The following EMID1 variants were observed in gnomAD, a reference collection of about 807,000 sequenced individuals.
The protein encoded by EMID1 is EMI domain containing 1.
In EMID1, 40 loss-of-function variants were observed where a neutral mutation model predicts 60.6. That is an observed-to-expected ratio of 0.66 (90% CI 0.51 to 0.86). The LOEUF is 0.86. Among genes scored for constraint, EMID1 ranks in the 40% least tolerant of loss-of-function variants. EMID1 has a pLI of 0.00. For synonymous variants in EMID1, 242 were observed against 231.0 expected (o/e 1.05, Z -0.43); for missense variants, 585 against 597.1 (o/e 0.98, Z 0.21).
Position 29,247,490 on chromosome 22 carries a change from G to A in EMID1, c.1119+4001G>A, listed in dbSNP as rs368867568. ...CAACACACCTCAGCTGTATGGTGTA[G>A]CCAATTGCTCCCAGGCTACAAACCT... On this transcript the variant is annotated intron_variant, in intron 13 of 14. Transcript: ENST00000334018. Among the ~76,000 whole-genome samples the A allele has an allele frequency of 7.9e-5, 12 of 152,362 alleles. No individual in the cohort carries two copies. The East Asian group carries it at 1.2e-3, about 15-fold the overall frequency.
chr22:29,250,095 A>T (rs1039212713), intron 13 of EMID1, among the ~76,000 whole-genome samples: 6 of 152,126 alleles, frequency 3.9e-5, no homozygotes, highest in Non-Finnish European at 7.4e-5. Context: ...AAATAAAAAA[A>T]TTTGTTTTCA....
At chr22:29,227,011 C>A (rs2146256652) in intron 5 of EMID1, among the ~76,000 whole-genome samples, 1 of 152,098 alleles carries the variant, frequency 6.6e-6, no homozygotes, top group South Asian at 2.1e-4. Flanking sequence ...AACCCCCATC[C>A]ATAATACTAT....
At chr22:29,223,572 TCTGGCCCTGGAATCAGGCAGAC>T (rs1355944655) in intron 3 of EMID1, among the ~76,000 whole-genome samples, 7 of 152,168 alleles carry the variant, frequency 4.6e-5, no homozygotes, top group Non-Finnish European at 7.3e-5. Context: ...AAAAAAGAAA[TCTGGCCCTGGAATCAGGCAGAC>T]CTGTGTTCAA....
chr22:29,231,323 C>A, intron 6 of EMID1, 183 bp downstream of exon 6: 2 of 984,336 alleles, frequency 2.0e-6, no homozygotes, highest in Non-Finnish European at 3.0e-6. Flanking sequence ...CTGAATGCTG[C>A]AGTCCCTGGA....
intron 13 of EMID1, among the ~76,000 whole-genome samples, chr22:29,246,695 G>A (rs1234640323): frequency 6.6e-6 from 1 of 152,334 alleles, no homozygotes; most frequent in East Asian, 1.9e-4. Context: ...GATCCGGAGT[G>A]CAGAGGGCAG....
chr22:29,258,905 C>T lies in EMID1; in HGVS notation c.1293C>T (p.Tyr431=), dbSNP rs747597901. Residue 431 remains tyrosine, a synonymous_variant, in exon 15 of 15, where the codon TAC becomes TAT. Coordinates refer to ENST00000334018, the MANE Select transcript of EMID1 (RefSeq NM_133455.4). The part of the protein sequence containing the change: ...RGKRGGHATN[Y]RIVAPRSRDE... ...AGAGGGGCGGACATGCAACCAACTA[C>T]CGGATCGTGGCCCCCAGGAGCCGGG... The T allele has an allele frequency of 8.7e-6, 14 of 1,613,402 alleles. No homozygotes were observed. The South Asian group carries it at 1.5e-4, about 18-fold the overall frequency.
At position 29,257,879 on chromosome 22, in the gene EMID1, C is replaced by T. The variant is rs140192539; in HGVS notation, c.1205-938C>T. Among the ~76,000 whole-genome samples, 158 of 152,332 alleles carry T rather than the reference C, an allele frequency of 1.0e-3. 1 individual carries two copies. The highest frequency in any genetic ancestry group is 1.9e-3 in the Non-Finnish European group (126 of 68,032). Reference sequence around the variant, plus strand: ...GGGGCCAGTGCTCTGTGCCACTCCCCTCCCACGCTCCCTAAGGCATGGAAT... The same window carrying T: ...GGGGCCAGTGCTCTGTGCCACTCCCTTCCCACGCTCCCTAAGGCATGGAAT... On this transcript the variant is annotated intron_variant, in intron 14 of 14. Transcript: ENST00000334018.
chr22:29,224,546 C>T (rs1287230197), intron 3 of EMID1, among the ~76,000 whole-genome samples: 1 of 152,208 alleles, frequency 6.6e-6, no homozygotes. Flanking sequence ...AGCCAGCCTC[C>T]CTCTGGTTTT....
intron 5 of EMID1, 82 bp downstream of exon 5, chr22:29,226,633 C>T (rs191329645): frequency 5.7e-6 from 8 of 1,412,750 alleles, no homozygotes; most frequent in Non-Finnish European, 7.6e-6. Flanking sequence ...TCCCCACCTC[C>T]TTCCCCGCAC....
chr22:29,228,734 A>G (rs1016389935), intron 5 of EMID1, among the ~76,000 whole-genome samples: 1 of 152,124 alleles, frequency 6.6e-6, no homozygotes, highest in African/African-American at 2.4e-5. Context: ...AGCTGGCATT[A>G]CGGACATGTG....
rs1244879918 is a variant in EMID1 at position 29,258,895 on chromosome 22, C to A, written c.1283C>A (p.Ala428Glu). ...SLLRGKRGGHATNYRIVAPRS... is the reference protein window; with the variant it reads ...SLLRGKRGGHETNYRIVAPRS... The stretch of plus-strand genomic sequence containing the variant: ...CTTCGGGGCAAGAGGGGCGGACATG[C>A]AACCAACTACCGGATCGTGGCCCCC... Residue 428 changes from alanine (A) to glutamate (E), a missense_variant, in exon 15 of 15, where the codon GCA (alanine) becomes GAA (glutamate). By Grantham distance (107) the Ala-to-Glu change is moderately radical. Coordinates refer to ENST00000334018, the MANE Select transcript of EMID1 (RefSeq NM_133455.4). 1.2e-6 allele frequency: 2 copies of A among 1,613,372 alleles called. No homozygotes were observed. The highest frequency in any genetic ancestry group is 4.5e-5 in the East Asian group (2 of 44,858).
At chr22:29,252,177 G>A (rs969369783) in intron 13 of EMID1, among the ~76,000 whole-genome samples, 2 of 152,110 alleles carry the variant, frequency 1.3e-5, no homozygotes, top group African/African-American at 2.4e-5. Context: ...TGCAGCTCGT[G>A]GTGACCCTGG....
rs562879515 is a variant in EMID1, at chr22:29,238,707, C to T, written c.1074+4358C>T. On this transcript the variant is annotated intron_variant, in intron 12 of 14. Transcript: ENST00000334018. Reference sequence around the variant, plus strand: ...GTGGTGGGATTACAGGCGTGAGCCACCGTGCCCGGCCATTTTTTTTTTTTT... The same window carrying T: ...GTGGTGGGATTACAGGCGTGAGCCATCGTGCCCGGCCATTTTTTTTTTTTT... 1.2e-3 allele frequency among the ~76,000 whole-genome samples: 167 copies of T among 133,616 alleles called. 13 individuals carry two copies. Among genetic ancestry groups the T allele is most frequent in the Admixed American group, 3.7e-3 (50 of 13,498 alleles). The allele number at this position is 133,616 out of a possible 152,430, so 87.7% of individuals were successfully genotyped here. A position where few individuals can be genotyped will look rare whatever the true frequency, so the allele number is the denominator to read the frequency against.
chr22:29,223,070 G>A (rs953452978), intron 3 of EMID1, among the ~76,000 whole-genome samples: 2 of 152,126 alleles, frequency 1.3e-5, no homozygotes, highest in Non-Finnish European at 2.9e-5. Flanking sequence ...CAGTCTGGGT[G>A]ACAGAGCGAG....
At chr22:29,225,083 G>A (rs2040450382) in intron 3 of EMID1, 50 bp from the exon 4 acceptor site, 2 of 1,591,452 alleles carry the variant, frequency 1.3e-6, no homozygotes, top group East Asian at 4.5e-5. Context: ...AGGGGGGCCT[G>A]AGGAGGCAAG....
At chr22:29,239,822 C>T (rs951621006) in intron 12 of EMID1, among the ~76,000 whole-genome samples, 14 of 150,262 alleles carry the variant, frequency 9.3e-5, no homozygotes, top group Admixed American at 8.0e-4. Context: ...TGCAGTGGCT[C>T]GATCTTGGCT....
At chr22:29,231,210 G>A in intron 6 of EMID1, 70 bp downstream of exon 6, 3 of 1,523,610 alleles carry the variant, frequency 2.0e-6, no homozygotes, top group Non-Finnish European at 2.6e-6. Flanking sequence ...TGGGATTCTG[G>A]TCCCCACCCT....
At chr22:29,213,319 G>A (rs1220697050) in intron 1 of EMID1, among the ~76,000 whole-genome samples, 1 of 152,136 alleles carries the variant, frequency 6.6e-6, no homozygotes, top group African/African-American at 2.4e-5. Flanking sequence ...GCCATGGCAG[G>A]CACCTGTCAC....
At chr22:29,255,870 G>A (rs2041689125) in intron 14 of EMID1, among the ~76,000 whole-genome samples, 1 of 152,176 alleles carries the variant, frequency 6.6e-6, no homozygotes, top group African/African-American at 2.4e-5. Context: ...GAGACCAGAA[G>A]GAGCCTAGAA....
Sources: gnomAD v4.1 joint callset for allele counts (sites outside exome capture counted in the v4.1 genomes callset) on GRCh38, gnomAD v4.1.1 for gene constraint, MANE v1.5 for transcripts, NCBI Gene and HGNC (gene_info 2026-07-23, HGNC 2026-07-21) for gene names.